Variants in WWP2 observed in about 807,000 individuals in gnomAD.
WWP2 encodes the protein WW domain containing E3 ubiquitin protein ligase 2, also known as NEDD4-like E3 ubiquitin-protein ligase WWP2.
WWP2 carries 57 observed loss-of-function variants against 121.0 expected under a neutral mutation model. The observed-to-expected ratio is 0.47, with a 90% CI of 0.38 to 0.59. WWP2 has a LOEUF of 0.59. WWP2 is among the 20% of genes least tolerant of loss of function. WWP2 has a pLI of 0.00. For synonymous variants in WWP2, 449 were observed against 441.3 expected (o/e 1.02, Z -0.22); for missense variants, 962 against 1,158.9 (o/e 0.83, Z 2.47).
intron 4 of WWP2, among the ~76,000 whole-genome samples, chr16:69,813,460 C>A (rs538369312): frequency 1.3e-5 from 2 of 150,548 alleles, no homozygotes; most frequent in East Asian, 3.9e-4. Flanking sequence ...CTGCGCCCAG[C>A]CTTTTTTTTG....
intron 7 of WWP2, among the ~76,000 whole-genome samples, chr16:69,882,492 A>T (rs2057849066): frequency 1.3e-5 from 2 of 152,250 alleles, no homozygotes; most frequent in Admixed American, 1.3e-4. Context: ...AGCATATAAG[A>T]TAAGGCCTCT....
intron 7 of WWP2, among the ~76,000 whole-genome samples, chr16:69,883,400 G>GCACACACACACACA (rs59771717): frequency 6.9e-6 from 1 of 145,862 alleles, no homozygotes; most frequent in East Asian, 2.0e-4. Context: ...AAGAATGTGC[G>GCACACACACACACA]CACACACACA....
chr16:69,804,782 G>C (rs1180845745), intron 4 of WWP2, among the ~76,000 whole-genome samples: 1 of 151,984 alleles, frequency 6.6e-6, no homozygotes, highest in African/African-American at 2.4e-5. Flanking sequence ...ACGTAATGGG[G>C]AATTTTCATA....
rs554782596 is a variant in WWP2 at position 69,771,503 on chromosome 16, T to G, written c.-16+9112T>G. On this transcript the variant is annotated intron_variant, in intron 1 of 23. Transcript: ENST00000359154. The stretch of plus-strand genomic sequence containing the variant: ...CTCAAGTGATCCACCCGCCTGGGCC[T>G]CCTAAAGTGCTGGGATTATAGGCAT... 2.0e-5 allele frequency among the ~76,000 whole-genome samples: 3 copies of G among 152,298 alleles called. 1 individual carries two copies. In the East Asian group the frequency reaches 5.8e-4, roughly 29 times the overall value.
At chr16:69,795,259 T>TACACACACACACAC (rs10578834) in intron 2 of WWP2, among the ~76,000 whole-genome samples, 1 of 92,964 alleles carries the variant, frequency 1.1e-5, no homozygotes, top group Non-Finnish European at 3.3e-5. Context: ...AAAATGCGGA[T>TACACACACACACAC]ACACACACAC....
chr16:69,807,680 C>T (rs930196435), intron 4 of WWP2, among the ~76,000 whole-genome samples: 3 of 145,964 alleles, frequency 2.1e-5, no homozygotes, highest in African/African-American at 7.7e-5. Flanking sequence ...CAGCCAGGTG[C>T]AGTAGCTTAT....
At chr16:69,773,744 A>G (rs1006102507) in intron 1 of WWP2, among the ~76,000 whole-genome samples, 8 of 152,108 alleles carry the variant, frequency 5.3e-5, no homozygotes, top group African/African-American at 1.9e-4. Flanking sequence ...AGCCTCCCAA[A>G]GTGCTTGGAT....
chr16:69,897,198 G>A (rs2058118667), intron 8 of WWP2, among the ~76,000 whole-genome samples: 3 of 151,968 alleles, frequency 2.0e-5, no homozygotes, highest in African/African-American at 7.3e-5. Context: ...GACCTCCCAG[G>A]CTCAGGTGAT....
chr16:69,880,615 A>G (rs1162595486), intron 7 of WWP2, among the ~76,000 whole-genome samples: 1 of 152,190 alleles, frequency 6.6e-6, no homozygotes, highest in Non-Finnish European at 1.5e-5. Flanking sequence ...TTCCTCACGT[A>G]ATATAACTGT....
intron 4 of WWP2, among the ~76,000 whole-genome samples, chr16:69,821,795 C>G (rs2056597531): frequency 6.8e-6 from 1 of 148,052 alleles, no homozygotes. Context: ...TGGCCTCAAG[C>G]AATCCTCCCA....
At chr16:69,919,043 C>T (rs746644386) in intron 10 of WWP2, among the ~76,000 whole-genome samples, 3 of 98,024 alleles carry the variant, frequency 3.1e-5, no homozygotes, top group African/African-American at 4.4e-5. Context: ...GGGGTTTTGC[C>T]ATGTTGGCCA....
At chr16:69,847,654 C>T (rs1303143684) in intron 6 of WWP2, among the ~76,000 whole-genome samples, 1 of 152,032 alleles carries the variant, frequency 6.6e-6, no homozygotes, top group Non-Finnish European at 1.5e-5. Context: ...GTGATCTGCC[C>T]GCCTCGGCCT....
chr16:69,809,332 A>C (rs1327727190), intron 4 of WWP2, among the ~76,000 whole-genome samples: 1 of 152,146 alleles, frequency 6.6e-6, no homozygotes, highest in Non-Finnish European at 1.5e-5. Flanking sequence ...GGTAATTGCA[A>C]ATCTTCCCAA....
chr16:69,936,566 A>T, intron 19 of WWP2, 114 bp downstream of exon 19: 1 of 1,453,962 alleles, frequency 6.9e-7, no homozygotes. Context: ...TGCCATTTGC[A>T]TTTGCCTTGA....
At chr16:69,890,009 C>A (rs1294186482) in intron 8 of WWP2, among the ~76,000 whole-genome samples, 3 of 151,838 alleles carry the variant, frequency 2.0e-5, no homozygotes, top group Admixed American at 6.6e-5. Flanking sequence ...GGCTGGAGTG[C>A]AGTAGTACAG....
chr16:69,858,820 A>C (rs1312617674), intron 6 of WWP2, among the ~76,000 whole-genome samples: 1 of 152,206 alleles, frequency 6.6e-6, no homozygotes, highest in Non-Finnish European at 1.5e-5. Flanking sequence ...TCTCATTTAT[A>C]CTAGGTGTTC....
At chr16:69,784,954 G>C (rs575351261) in intron 1 of WWP2, among the ~76,000 whole-genome samples, 7 of 151,882 alleles carry the variant, frequency 4.6e-5, no homozygotes, top group Non-Finnish European at 8.8e-5. Context: ...AAGAAAGAGT[G>C]GTCGAGTGCA....
At chr16:69,855,338 A>T (rs1431228790) in intron 6 of WWP2, among the ~76,000 whole-genome samples, 1 of 152,136 alleles carries the variant, frequency 6.6e-6, no homozygotes, top group Admixed American at 6.6e-5. Context: ...AGTTCACTTC[A>T]GTCTGCCCTC....
At chr16:69,905,813 C>G (rs1460656105) in intron 8 of WWP2, among the ~76,000 whole-genome samples, 1 of 152,182 alleles carries the variant, frequency 6.6e-6, no homozygotes, top group African/African-American at 2.4e-5. Flanking sequence ...CCCATTCTTC[C>G]TTTCAGCAAA....
Sources: gnomAD v4.1 joint callset for allele counts (sites outside exome capture counted in the v4.1 genomes callset) on GRCh38, gnomAD v4.1.1 for gene constraint, MANE v1.5 for transcripts, NCBI Gene and HGNC (gene_info 2026-07-23, HGNC 2026-07-21) for gene names.